The following UAP1 variants were observed in gnomAD, a reference collection of about 807,000 sequenced individuals.
UAP1 encodes the protein UDP-N-acetylglucosamine pyrophosphorylase 1.
A neutral mutation model predicts 58.5 loss-of-function variants in UAP1; 25 were observed. The ratio of observed to expected loss-of-function variants is 0.43; its 90% confidence interval spans 0.31 to 0.60. The LOEUF is 0.60. UAP1 is among the 20% of genes least tolerant of loss of function. UAP1 has a pLI of 0.11. For missense variants in UAP1, 575 were observed against 630.0 expected (o/e 0.91, Z 0.93); for synonymous variants, 208 against 213.0 (o/e 0.98, Z 0.21).
intron 7 of UAP1, 82 bp downstream of exon 7, chr1:162,588,915 C>T (rs12022205): frequency 0.22 from 309,366 of 1,386,888 alleles, 35,754 homozygotes; most frequent in Admixed American, 0.3. Flanking sequence ...AAACTGTTTT[C>T]AGGAAACATT....
intron 5 of UAP1, among the ~76,000 whole-genome samples, chr1:162,582,702 A>G (rs1172517651): frequency 6.6e-6 from 1 of 152,272 alleles, no homozygotes; most frequent in East Asian, 1.9e-4. Flanking sequence ...AGCAGTAACC[A>G]TATAGGCTTC....
chr1:162,571,919 A>G lies in UAP1; in HGVS notation c.281-4858A>G, dbSNP rs569498616. Among the ~76,000 whole-genome samples the G allele has an allele frequency of 1.2e-3, 189 of 152,380 alleles. 5 individuals carry two copies. The South Asian group carries it at 0.037, about 30-fold the overall frequency. ...TGTAGCTGCATTTCATTTGTGAATT[A>G]CAGCTGGCCTTGATTCTCCAGGAAC... On this transcript the variant is annotated intron_variant, in intron 2 of 10. Coordinates refer to ENST00000271469, the Ensembl canonical transcript of UAP1.
At chr1:162,597,532 T>G in intron 9 of UAP1, 1 of 412,308 alleles carries the variant, frequency 2.4e-6, no homozygotes, top group Non-Finnish European at 4.3e-6. Context: ...AAGGGGACAG[T>G]GTGTAAAAAC....
intron 3 of UAP1, among the ~76,000 whole-genome samples, chr1:162,579,072 G>A (rs1654386945): frequency 6.6e-6 from 1 of 152,118 alleles, no homozygotes; most frequent in African/African-American, 2.4e-5. Context: ...CTGTATTGCA[G>A]TTACCCTTTT....
At chr1:162,577,634 A>G (rs549075740) in intron 3 of UAP1, among the ~76,000 whole-genome samples, 47 of 149,690 alleles carry the variant, frequency 3.1e-4, no homozygotes, top group African/African-American at 1.1e-3. Flanking sequence ...TCTTTTTGAG[A>G]GGGAGTCTTA....
intron 6 of UAP1, 73 bp downstream of exon 6, chr1:162,587,741 C>T: frequency 7.0e-7 from 1 of 1,421,598 alleles, no homozygotes; most frequent in Non-Finnish European, 9.7e-7. Context: ...GAGAGGGATG[C>T]AGACACCCCA....
chr1:162,581,041 G>A (rs1557972348), intron 4 of UAP1, among the ~76,000 whole-genome samples: 2 of 152,140 alleles, frequency 1.3e-5, no homozygotes, highest in African/African-American at 2.4e-5. Flanking sequence ...GAAAGATATG[G>A]TTTTTGGGGT....
intron 5 of UAP1, among the ~76,000 whole-genome samples, chr1:162,583,388 C>T (rs1450146758): frequency 6.6e-6 from 1 of 151,936 alleles, no homozygotes; most frequent in African/African-American, 2.4e-5. Context: ...CGCCTGACCT[C>T]ATGATCCACA....
At chr1:162,581,141 A>G (rs1654561883) in intron 4 of UAP1, 146 bp from the exon 5 acceptor site, 1 of 849,146 alleles carries the variant, frequency 1.2e-6, no homozygotes, top group Admixed American at 2.6e-5. Context: ...TTGACACCTG[A>G]TTCCTTCCTT....
rs556103119 is a variant in UAP1, at chr1:162,568,718, T to C, written c.280+2370T>C. On this transcript the variant is annotated intron_variant, in intron 2 of 10. Transcript: ENST00000271469. ...CTTCCCTGGGTTTCAAAAAGGCTAC[T>C]ATTCCAAACCAAAAGCCACACAGGC... Among the ~76,000 whole-genome samples the C allele has an allele frequency of 3.9e-5, 6 of 152,334 alleles. 1 individual carries two copies. The East Asian group carries it at 1.2e-3, about 29-fold the overall frequency.
chr1:162,589,192 TTATATATTATATTTAAA>T lies in UAP1; in HGVS notation c.1169+367_1169+383del, dbSNP rs1329307947. 1.8e-4 allele frequency among the ~76,000 whole-genome samples: 12 copies of T among 68,114 alleles called. 1 individual carries two copies. Among genetic ancestry groups the T allele is most frequent in the Non-Finnish European group, 2.3e-4 (8 of 34,422 alleles). 44.7% of individuals were successfully genotyped at this position (68,114 alleles called of 152,430 possible). A position where few individuals can be genotyped will look rare whatever the true frequency, so the allele number is the denominator to read the frequency against. ...ATATAAATATTATATATAATATATA[TTATATATTATATTTAAA>T]TATATATAATATTTATATATTATAT... On this transcript the variant is annotated intron_variant, in intron 7 of 10. Transcript: ENST00000271469.
chr1:162,563,664 T>A (rs1653315905), intron 1 of UAP1, among the ~76,000 whole-genome samples: 1 of 152,212 alleles, frequency 6.6e-6, no homozygotes, highest in Admixed American at 6.5e-5. Flanking sequence ...CGCCCGGCCC[T>A]ATGAGGTATC....
At chr1:162,595,574 G>A (rs532319232) in intron 9 of UAP1, among the ~76,000 whole-genome samples, 3 of 152,140 alleles carry the variant, frequency 2.0e-5, no homozygotes, top group South Asian at 2.1e-4. Flanking sequence ...TCATTAGTTT[G>A]TCATCATTTT....
At chr1:162,562,952 C>G (rs1653253534) in intron 1 of UAP1, among the ~76,000 whole-genome samples, 1 of 152,222 alleles carries the variant, frequency 6.6e-6, no homozygotes, top group Non-Finnish European at 1.5e-5. Flanking sequence ...TATTTAAATT[C>G]TAATAAAAAT....
chr1:162,583,404 C>CTTT (rs1419390889), intron 5 of UAP1, among the ~76,000 whole-genome samples: 2 of 152,050 alleles, frequency 1.3e-5, no homozygotes, highest in African/African-American at 4.8e-5. Context: ...CCACACACCT[C>CTTT]AGCCTCCCAA....
At chr1:162,584,337 G>T (rs569295289) in intron 5 of UAP1, among the ~76,000 whole-genome samples, 1 of 152,310 alleles carries the variant, frequency 6.6e-6, no homozygotes, top group Admixed American at 6.5e-5. Flanking sequence ...AAATCTTTTA[G>T]AAATGTTAGA....
chr1:162,589,854 C>T (rs906188458), intron 7 of UAP1, among the ~76,000 whole-genome samples: 1 of 152,018 alleles, frequency 6.6e-6, no homozygotes, highest in African/African-American at 2.4e-5. Flanking sequence ...TGCCTGAAGT[C>T]CCAGCTACTC....
intron 2 of UAP1, among the ~76,000 whole-genome samples, chr1:162,567,560 A>T (rs929920943): frequency 2.6e-5 from 4 of 152,182 alleles, no homozygotes; most frequent in Admixed American, 6.5e-5. Flanking sequence ...TGTAAGTAAA[A>T]TGTTGACTAA....
intron 5 of UAP1, among the ~76,000 whole-genome samples, chr1:162,583,264 T>G (rs553840199): frequency 4.3e-4 from 63 of 146,226 alleles, no homozygotes; most frequent in Middle Eastern, 3.6e-3. Context: ...GCAATTCTCC[T>G]GCCTCAGCCT....
Sources: allele counts gnomAD v4.1 joint callset (sites outside exome capture counted in the v4.1 genomes callset), GRCh38; gene constraint gnomAD v4.1.1; transcripts MANE v1.5; gene names NCBI Gene and HGNC (gene_info 2026-07-23, HGNC 2026-07-21).